Variants in TIA1 observed in about 807,000 individuals in gnomAD.
TIA1 encodes cytotoxic granule associated RNA binding protein TIA1.
A neutral mutation model predicts 65.9 loss-of-function variants in TIA1; 23 were observed. That is an observed-to-expected ratio of 0.35 (90% confidence interval 0.25 to 0.49). TIA1 has a LOEUF of 0.49. TIA1 is among the 20% of genes least tolerant of loss of function. The pLI, the probability that TIA1 is intolerant of heterozygous loss-of-function variation, is 0.98. For missense variants in TIA1, 371 were observed against 477.9 expected (o/e 0.78, Z 2.09); for synonymous variants, 147 against 149.4 (o/e 0.98, Z 0.12).
chr2:70,214,693 G>A (rs1383520417), intron 11 of TIA1, among the ~76,000 whole-genome samples, 199 bp from the exon 12 acceptor site: 3 of 151,554 alleles, frequency 2.0e-5, no homozygotes, highest in Non-Finnish European at 2.9e-5. Flanking sequence ...AGGTTATACT[G>A]CTGTAACTCT....
At chr2:70,235,194 T>C (rs1688243161) in intron 2 of TIA1, among the ~76,000 whole-genome samples, 1 of 152,118 alleles carries the variant, frequency 6.6e-6, no homozygotes, top group Non-Finnish European at 1.5e-5. Flanking sequence ...GACAGGTGGA[T>C]CACCTGAGGT....
At chr2:70,221,195 C>T (rs1272368865) in intron 7 of TIA1, among the ~76,000 whole-genome samples, 1 of 151,638 alleles carries the variant, frequency 6.6e-6, no homozygotes, top group Admixed American at 6.6e-5. Flanking sequence ...TTAGTAGAGA[C>T]GGGGTTTCAC....
chr2:70,231,658 G>A (rs994478763), intron 2 of TIA1, among the ~76,000 whole-genome samples: 3 of 152,006 alleles, frequency 2.0e-5, no homozygotes, highest in Non-Finnish European at 4.4e-5. Context: ...GTCTCACTTC[G>A]GCTTTTTATG....
At chr2:70,236,285 G>A (rs905979139) in intron 1 of TIA1, 110 bp from the exon 2 acceptor site, 8 of 632,218 alleles carry the variant, frequency 1.3e-5, no homozygotes, top group East Asian at 9.3e-5. Context: ...CACAACCTCC[G>A]CCTCCAGGGT....
intron 2 of TIA1, among the ~76,000 whole-genome samples, chr2:70,232,064 T>C (rs1686578188): frequency 1.3e-5 from 2 of 151,214 alleles, no homozygotes; most frequent in African/African-American, 2.4e-5. Context: ...TAGCCGGGCC[T>C]GGTGGCGGGC....
intron 7 of TIA1, among the ~76,000 whole-genome samples, chr2:70,217,353 G>A (rs968034636): frequency 6.6e-6 from 1 of 151,544 alleles, no homozygotes; most frequent in Non-Finnish European, 1.5e-5. Context: ...TGTATTTGTA[G>A]TAGAGATGGG....
chr2:70,219,309 GTT>G (rs987698603), intron 7 of TIA1, among the ~76,000 whole-genome samples: 1 of 152,124 alleles, frequency 6.6e-6, no homozygotes, highest in African/African-American at 2.4e-5. Flanking sequence ...GAAAACAGAG[GTT>G]AAGAGGTGAC....
intron 8 of TIA1, 173 bp from the exon 9 acceptor site, chr2:70,216,672 T>G (rs1371046404): frequency 3.5e-6 from 5 of 1,418,494 alleles, no homozygotes; most frequent in South Asian, 2.8e-5. Flanking sequence ...GTCTAAAAAA[T>G]TACCCAGTAT....
intron 2 of TIA1, among the ~76,000 whole-genome samples, chr2:70,232,623 C>A (rs1481202467): frequency 6.7e-6 from 1 of 148,996 alleles, no homozygotes; most frequent in Non-Finnish European, 1.5e-5. Context: ...AATCTCAGCA[C>A]TCTGGGAGGA....
chr2:70,243,887 G>A (rs1426867482), intron 1 of TIA1, among the ~76,000 whole-genome samples: 1 of 152,128 alleles, frequency 6.6e-6, no homozygotes, highest in African/African-American at 2.4e-5. Flanking sequence ...TGCTTTCTCT[G>A]ATACCTGGAT....
intron 6 of TIA1, chr2:70,225,526 G>A (rs759231854): frequency 1.1e-6 from 1 of 887,292 alleles, no homozygotes; most frequent in Non-Finnish European, 1.5e-6. Context: ...AGTCAGGTAT[G>A]TCACAATGCT....
intron 1 of TIA1, among the ~76,000 whole-genome samples, chr2:70,242,069 T>C (rs1692038046): frequency 6.6e-6 from 1 of 152,168 alleles, no homozygotes; most frequent in Non-Finnish European, 1.5e-5. Flanking sequence ...GTTAATTTCT[T>C]AATTTTGATA....
At position 70,209,459 on chromosome 2, in the gene TIA1, C is replaced by G; in HGVS notation, c.*3260G>C. 1 of 397,238 alleles carries G rather than the reference C, an allele frequency of 2.5e-6. No homozygotes were observed. The highest frequency in any genetic ancestry group is 4.4e-6 in the Non-Finnish European group (1 of 225,752). The allele number at this position is 397,238 out of a possible 1,614,324, so 24.6% of individuals were successfully genotyped here. On this transcript the variant is annotated 3_prime_UTR_variant, in exon 13 of 13. Transcript: ENST00000433529. Reference sequence around the variant, plus strand: ...GAAAAACCTATTCAATTGAGACACACTCACACATTTTATTAAGGCTCTTAA... The same window carrying G: ...GAAAAACCTATTCAATTGAGACACAGTCACACATTTTATTAAGGCTCTTAA...
At chr2:70,219,983 C>T (rs779727605) in intron 7 of TIA1, among the ~76,000 whole-genome samples, 8 of 152,116 alleles carry the variant, frequency 5.3e-5, no homozygotes, top group Non-Finnish European at 8.8e-5. Context: ...TCCCTCAAAA[C>T]GATATGAAGT....
chr2:70,227,437 G>A (rs929220748), intron 6 of TIA1, among the ~76,000 whole-genome samples: 1 of 152,116 alleles, frequency 6.6e-6, no homozygotes, highest in African/African-American at 2.4e-5. Flanking sequence ...ACTAAAGATT[G>A]TCACCAAGCT....
chr2:70,241,515 C>T (rs533300302), intron 1 of TIA1, among the ~76,000 whole-genome samples: 2 of 152,248 alleles, frequency 1.3e-5, no homozygotes, highest in South Asian at 2.1e-4. Context: ...GATATACCTC[C>T]CTCCAGGAAG....
intron 1 of TIA1, among the ~76,000 whole-genome samples, chr2:70,246,337 T>G (rs543279689): frequency 6.6e-6 from 1 of 152,204 alleles, no homozygotes; most frequent in Admixed American, 6.5e-5. Context: ...AGAACATATA[T>G]TAAAAGCCTC....
intron 1 of TIA1, among the ~76,000 whole-genome samples, chr2:70,237,692 C>T (rs1689608939): frequency 6.6e-6 from 1 of 151,496 alleles, no homozygotes; most frequent in African/African-American, 2.4e-5. Context: ...AGTGAAACCC[C>T]TTCTCTACTA....
At chr2:70,245,914 ATT>A (rs199977940) in intron 1 of TIA1, among the ~76,000 whole-genome samples, 1,469 of 124,420 alleles carry the variant, frequency 0.012, 5 homozygotes, top group African/African-American at 0.045. Flanking sequence ...ATTCTACCAG[ATT>A]TTTTTTTTTT....
Sources: gnomAD v4.1 joint callset for allele counts (sites outside exome capture counted in the v4.1 genomes callset) on GRCh38, gnomAD v4.1.1 for gene constraint, MANE v1.5 for transcripts, NCBI Gene and HGNC (gene_info 2026-07-23, HGNC 2026-07-21) for gene names.